SSBP3: variants seen among roughly 807,000 people sequenced by gnomAD.
The protein encoded by SSBP3 is single stranded DNA binding protein 3.
In SSBP3, 5 loss-of-function variants were observed where a neutral mutation model predicts 69.6. The ratio of observed to expected loss-of-function variants is 0.07; its 90% CI spans 0.04 to 0.15. The LOEUF is 0.15. Ranked by LOEUF, SSBP3 falls within the 10% of genes least tolerant of loss-of-function variation. The pLI is 1.00. For missense variants in SSBP3, 312 were observed against 534.0 expected (o/e 0.58, Z 4.10); for synonymous variants, 196 against 193.4 (o/e 1.01, Z -0.11).
chr1:54,250,549 G>GC, intron 9 of SSBP3, among the ~76,000 whole-genome samples: 1 of 152,122 alleles, frequency 6.6e-6, no homozygotes, highest in South Asian at 2.1e-4. Flanking sequence ...AATGGGGGGG[G>GC]GCACTACTCC....
intron 4 of SSBP3, among the ~76,000 whole-genome samples, chr1:54,336,442 C>T (rs1004836830): frequency 1.3e-5 from 2 of 152,104 alleles, no homozygotes; most frequent in African/African-American, 4.8e-5. Flanking sequence ...TGCCCATTCT[C>T]GGTGAGCATC....
intron 4 of SSBP3, among the ~76,000 whole-genome samples, chr1:54,294,630 G>A (rs1007453758): frequency 2.0e-5 from 3 of 152,206 alleles, no homozygotes; most frequent in Non-Finnish European, 4.4e-5. Context: ...GCTGGGTGCA[G>A]GAAGGGGTTC....
chr1:54,308,587 C>G (rs1430670164), intron 4 of SSBP3, among the ~76,000 whole-genome samples: 1 of 131,904 alleles, frequency 7.6e-6, no homozygotes, highest in African/African-American at 3.0e-5. Flanking sequence ...GCCGACAGAG[C>G]GAGACTCCAT....
intron 4 of SSBP3, among the ~76,000 whole-genome samples, chr1:54,371,668 A>G (rs1647136948): frequency 6.6e-6 from 1 of 152,188 alleles, no homozygotes; most frequent in South Asian, 2.1e-4. Flanking sequence ...CAATATCGAG[A>G]GAGAAGACAC....
intron 4 of SSBP3, among the ~76,000 whole-genome samples, chr1:54,393,025 A>C (rs2100774087): frequency 6.6e-6 from 1 of 152,114 alleles, no homozygotes; most frequent in Admixed American, 6.5e-5. Flanking sequence ...GGAGGAAAAA[A>C]CCCTCTCAGG....
intron 9 of SSBP3, among the ~76,000 whole-genome samples, chr1:54,248,957 T>C (rs1386701674): frequency 6.6e-6 from 1 of 152,134 alleles, no homozygotes; most frequent in African/African-American, 2.4e-5. Flanking sequence ...GGTGAGCCTC[T>C]CTCCCTCCCG....
At chr1:54,308,323 C>T (rs552126632) in intron 4 of SSBP3, among the ~76,000 whole-genome samples, 25 of 149,744 alleles carry the variant, frequency 1.7e-4, no homozygotes, top group Non-Finnish European at 2.5e-4. Context: ...CGGGCGTGGC[C>T]GGGCACGGTG....
At chr1:54,340,970 A>G (rs749608543) in intron 4 of SSBP3, among the ~76,000 whole-genome samples, 11 of 152,246 alleles carry the variant, frequency 7.2e-5, no homozygotes, top group Non-Finnish European at 1.3e-4. Flanking sequence ...CTGAATTTCA[A>G]TCCCACCTCT....
At chr1:54,264,507 G>A (rs754994301) in intron 5 of SSBP3, among the ~76,000 whole-genome samples, 2 of 152,250 alleles carry the variant, frequency 1.3e-5, no homozygotes, top group South Asian at 2.1e-4. Context: ...GGCTCTGTGG[G>A]TTCAGAGGCA....
intron 4 of SSBP3, among the ~76,000 whole-genome samples, chr1:54,371,606 G>A (rs1025102778): frequency 3.9e-5 from 6 of 152,188 alleles, no homozygotes; most frequent in African/African-American, 1.4e-4. Flanking sequence ...CTTCTAAAGT[G>A]AGGCTAAAAT....
intron 5 of SSBP3, among the ~76,000 whole-genome samples, chr1:54,273,358 G>T (rs1645229059): frequency 6.6e-6 from 1 of 152,184 alleles, no homozygotes; most frequent in Non-Finnish European, 1.5e-5. Flanking sequence ...ACGCACACAA[G>T]TCAGGGCCAC....
intron 4 of SSBP3, among the ~76,000 whole-genome samples, chr1:54,310,498 T>C (rs1645981889): frequency 6.6e-6 from 1 of 152,154 alleles, no homozygotes; most frequent in South Asian, 2.1e-4. Flanking sequence ...GGGTTTTTAA[T>C]TGAGCTACAA....
chr1:54,252,589 G>A (rs902515981), intron 7 of SSBP3, among the ~76,000 whole-genome samples: 2 of 152,222 alleles, frequency 1.3e-5, no homozygotes, highest in African/African-American at 4.8e-5. Flanking sequence ...ACGAGAACCC[G>A]GCTCCAGAGC....
intron 12 of SSBP3, 78 bp downstream of exon 12, chr1:54,241,396 C>T (rs1269486351): frequency 5.4e-6 from 8 of 1,487,726 alleles, no homozygotes; most frequent in African/African-American, 4.1e-5. Context: ...GGGAAAGAAA[C>T]GGGGACCCCA....
At chr1:54,405,897 C>A (rs1570082741) in intron 1 of SSBP3, 56 bp downstream of exon 1, 1 of 193,204 alleles carries the variant, frequency 5.2e-6, no homozygotes, top group Non-Finnish European at 7.7e-6. Flanking sequence ...CCTCCCACCG[C>A]CCGCCCGCCC....
intron 14 of SSBP3, among the ~76,000 whole-genome samples, chr1:54,229,100 A>C (rs1443294964): frequency 6.6e-6 from 1 of 152,242 alleles, no homozygotes; most frequent in African/African-American, 2.4e-5. Context: ...GCACCTCTGA[A>C]ACTGAGCCTC....
At chr1:54,226,773 A>T (rs1225058696) in exon 18 of SSBP3, 1 of 214,144 alleles carries the variant, frequency 4.7e-6, no homozygotes, top group African/African-American at 2.4e-5. Context: ...CCCTGAAAAC[A>T]AATAAAAAAA....
chr1:54,313,499 C>T (rs1012025949), intron 4 of SSBP3, among the ~76,000 whole-genome samples: 19 of 126,448 alleles, frequency 1.5e-4, no homozygotes, highest in African/African-American at 5.7e-4. Context: ...GTTGCCGAGG[C>T]TGGGTTAAAA....
intron 4 of SSBP3, among the ~76,000 whole-genome samples, chr1:54,394,352 CAG>C (rs1282528284): frequency 2.0e-5 from 3 of 152,336 alleles, no homozygotes; most frequent in East Asian, 1.9e-4. Context: ...CGTTACAACA[CAG>C]GGGTGGGACT....
Sources: allele counts gnomAD v4.1 joint callset (sites outside exome capture counted in the v4.1 genomes callset), GRCh38; gene constraint gnomAD v4.1.1; transcripts MANE v1.5; gene names NCBI Gene and HGNC (gene_info 2026-07-23, HGNC 2026-07-21).